Variants in XRN1 observed in about 807,000 individuals in gnomAD.
XRN1 encodes strand-exchange protein 1 homolog.
XRN1 carries 67 observed loss-of-function variants against 222.3 expected under a neutral mutation model. That is an observed-to-expected ratio of 0.30 (90% confidence interval 0.25 to 0.37). The LOEUF is 0.37. Among genes scored for constraint, XRN1 ranks in the 10% least tolerant of loss-of-function variants. The probability of loss-of-function intolerance (pLI) is 1.00; values close to 1 mark genes in which losing one functional copy is unlikely to be tolerated. For missense variants in XRN1, 1,707 were observed against 2,000.2 expected (o/e 0.85, Z 2.80); for synonymous variants, 643 against 652.4 (o/e 0.99, Z 0.22).
At chr3:142,431,884 T>TATA (rs71153965) in intron 2 of XRN1, among the ~76,000 whole-genome samples, 2 of 62,908 alleles carry the variant, frequency 3.2e-5, no homozygotes, top group African/African-American at 2.1e-4. Flanking sequence ...ATTATATATA[T>TATA]TATATATAAT....
chr3:142,407,178 GC>G (rs2068373938), intron 15 of XRN1, among the ~76,000 whole-genome samples: 1 of 152,154 alleles, frequency 6.6e-6, no homozygotes, highest in Non-Finnish European at 1.5e-5. Context: ...GGGCAATAAT[GC>G]CCGAACAGTG....
intron 39 of XRN1, chr3:142,313,195 C>T: frequency 6.2e-7 from 1 of 1,611,388 alleles, no homozygotes; most frequent in Non-Finnish European, 8.5e-7. Context: ...ACCAAAAAAC[C>T]TCAAGTCCTG....
intron 33 of XRN1, among the ~76,000 whole-genome samples, chr3:142,343,591 G>A (rs1211447170): frequency 6.6e-6 from 1 of 152,168 alleles, no homozygotes; most frequent in African/African-American, 2.4e-5. Flanking sequence ...AACAAACGCT[G>A]GTGAGGATGT....
chr3:142,408,404 G>C (rs972218523), intron 15 of XRN1, among the ~76,000 whole-genome samples: 2 of 152,152 alleles, frequency 1.3e-5, no homozygotes, highest in African/African-American at 4.8e-5. Context: ...GCTGAAAAGG[G>C]CTGGGAGGGT....
intron 20 of XRN1, among the ~76,000 whole-genome samples, chr3:142,387,984 A>G (rs1247832673): frequency 6.6e-6 from 1 of 152,188 alleles, no homozygotes; most frequent in East Asian, 1.9e-4. Context: ...TACCAGAAAC[A>G]TATGCTGATG....
intron 37 of XRN1, among the ~76,000 whole-genome samples, chr3:142,322,094 C>T (rs1025899339): frequency 6.6e-6 from 1 of 152,146 alleles, no homozygotes; most frequent in African/African-American, 2.4e-5. Flanking sequence ...GTATCAAGAA[C>T]TGGATATAAA....
chr3:142,376,377 C>T (rs2067143314), intron 24 of XRN1, 102 bp downstream of exon 24: 5 of 943,730 alleles, frequency 5.3e-6, no homozygotes, highest in Non-Finnish European at 8.2e-6. Context: ...TAAGACAATC[C>T]AGAGCAATTA....
At chr3:142,332,268 A>T (rs1276005344) in intron 36 of XRN1, 107 bp downstream of exon 36, 2 of 905,484 alleles carry the variant, frequency 2.2e-6, no homozygotes, top group Non-Finnish European at 1.6e-6. Context: ...ATAAATAAAT[A>T]CATTAAAATA....
At chr3:142,358,464 CTAGGAAG>C (rs1197558540) in intron 30 of XRN1, among the ~76,000 whole-genome samples, 2 of 151,912 alleles carry the variant, frequency 1.3e-5, no homozygotes, top group Admixed American at 6.6e-5. Flanking sequence ...TTCAAGGTTG[CTAGGAAG>C]TATCTATTTT....
intron 12 of XRN1, chr3:142,418,103 A>G: frequency 5.7e-6 from 1 of 175,644 alleles, no homozygotes; most frequent in Middle Eastern, 2.7e-3. Flanking sequence ...CCAAATTGTT[A>G]TGAACTTTCT....
chr3:142,372,119 C>T (rs1412917410), intron 25 of XRN1, among the ~76,000 whole-genome samples: 1 of 152,120 alleles, frequency 6.6e-6, no homozygotes, highest in Non-Finnish European at 1.5e-5. Flanking sequence ...AGCAGTTATA[C>T]TGTCATGTGG....
In XRN1 at chr3:142,421,513, A is replaced by G; in HGVS notation, c.998T>C (p.Leu333Ser). 6.2e-7 allele frequency: 1 copy of G among 1,610,410 alleles called. No individual in the cohort carries two copies. The highest frequency in any genetic ancestry group is 8.5e-7 in the Non-Finnish European group (1 of 1,178,542). The change falls in exon 9 of 41, where the codon TTA becomes TCA. Residue 333 changes from leucine (L) to serine (S), a missense_variant. Leu to Ser is a moderately radical substitution (Grantham distance 145). Transcript: ENST00000392981. ...CACAAGGTATTTCTCAAATCGAGGT[A>G]AGTTGAGGTGCCCACTTTCATTAAT... ...GYINESGHLNLPRFEKYLVKL... is the reference protein window; with the variant it reads ...GYINESGHLNSPRFEKYLVKL...
In XRN1 at chr3:142,309,961, G is replaced by A. The variant is rs1361867137; in HGVS notation, c.*1550C>T. On this transcript the variant is annotated 3_prime_UTR_variant, in exon 41 of 41. Coordinates refer to ENST00000392981, the MANE Select transcript of XRN1 (RefSeq NM_001282857.2). ...CCACTACAGATAAAGAAACAATGTT[G>A]GGAACTGATAAACATCTGAACTTAT... 1 of 152,476 alleles carries A rather than the reference G, an allele frequency of 6.6e-6. No homozygotes were observed. Among genetic ancestry groups the A allele is most frequent in the Non-Finnish European group, 1.5e-5 (1 of 68,008 alleles). 9.4% of individuals were successfully genotyped at this position (152,476 alleles called of 1,614,324 possible). A position where few individuals can be genotyped will look rare whatever the true frequency, so the allele number is the denominator to read the frequency against.
chr3:142,445,274 A>G (rs2070454851), intron 1 of XRN1, among the ~76,000 whole-genome samples: 1 of 151,626 alleles, frequency 6.6e-6, no homozygotes, highest in African/African-American at 2.4e-5. Context: ...TTGTTCTTTC[A>G]TGTCTTACCT....
In XRN1 at chr3:142,435,652, A is replaced by C. The variant is rs867103731; in HGVS notation, c.76-2759T>G. Among the ~76,000 whole-genome samples, 4 of 150,798 alleles carry C rather than the reference A, an allele frequency of 2.7e-5. No homozygotes were observed. The Middle Eastern group carries it at 0.01, about 390-fold the overall frequency. On this transcript the variant is annotated intron_variant, in intron 1 of 40. Transcript: ENST00000392981. Reference sequence around the variant, plus strand: ...CATGCCTGTAATCCCAGGTACTTAGAAGGCTGAAGCATGAGAATCGCTTGC... The same window carrying C: ...CATGCCTGTAATCCCAGGTACTTAGCAGGCTGAAGCATGAGAATCGCTTGC...
In XRN1 at chr3:142,418,843, T is replaced by C. The variant is rs142221032; in HGVS notation, c.1212A>G (p.Lys404=). ...ENSLCWTALD[K]NEGEMITSKD... ...TAGAAGTTATCATTTCGCCTTCATT[T>C]TTGTCTAAAGCAGTCCAACACAGAG... The change falls in exon 11 of 41, where the codon AAA becomes AAG. Residue 404 remains lysine, a synonymous_variant. Transcript: ENST00000392981. 11 of 1,614,058 alleles carry C rather than the reference T, an allele frequency of 6.8e-6. No homozygotes were observed. The highest frequency in any genetic ancestry group is 8.5e-6 in the Non-Finnish European group (10 of 1,179,960).
chr3:142,334,767 T>TACACACAC (rs761753366), intron 34 of XRN1, among the ~76,000 whole-genome samples: 71 of 90,402 alleles, frequency 7.9e-4, no homozygotes, highest in African/African-American at 2.4e-3. Flanking sequence ...TGTCTATGTA[T>TACACACAC]ACACACACAC....
chr3:142,413,524 A>G (rs1378250263), intron 14 of XRN1, among the ~76,000 whole-genome samples: 1 of 152,208 alleles, frequency 6.6e-6, no homozygotes, highest in Non-Finnish European at 1.5e-5. Flanking sequence ...AAACCACAGA[A>G]TTAAAAGAAC....
intron 1 of XRN1, among the ~76,000 whole-genome samples, chr3:142,443,834 G>A (rs1301065388): frequency 2.0e-5 from 3 of 152,198 alleles, no homozygotes; most frequent in East Asian, 1.9e-4. Flanking sequence ...CAACCTAAGC[G>A]TCCATCAACA....
Sources: allele counts gnomAD v4.1 joint callset (sites outside exome capture counted in the v4.1 genomes callset), GRCh38; gene constraint gnomAD v4.1.1; transcripts MANE v1.5; gene names NCBI Gene and HGNC (gene_info 2026-07-23, HGNC 2026-07-21).